Variants in PRX observed in about 807,000 individuals in gnomAD.
PRX encodes the protein periaxin.
A neutral mutation model predicts 29.6 loss-of-function variants in PRX; 24 were observed. That is an observed-to-expected ratio of 0.81 (90% CI 0.59 to 1.14). The LOEUF is 1.14. Among genes scored for constraint, PRX ranks in the 50% most tolerant of loss-of-function variants. The probability of loss-of-function intolerance (pLI) is 0.00; values close to 1 mark genes in which losing one functional copy is unlikely to be tolerated. For missense variants in PRX, 1,838 were observed against 1,926.4 expected, an observed-to-expected ratio of 0.95 and a Z score of 0.86; for synonymous variants, 772 against 831.7, an observed-to-expected ratio of 0.93 and a Z score of 1.24.
rs759245840 is a variant in PRX, at chr19:40,394,485, G to C, written c.3867C>G (p.Ala1289=). Residue 1289 remains alanine (A), a synonymous_variant, in exon 7 of 7, where the codon GCC becomes GCG. Transcript: ENST00000324001. This position sits in a 1 kb window ranked among gnomAD's most constrained non-coding sequence, Gnocchi z 5.8. ...VELSPSGGNH[A]EYQVAEGEGE... The stretch of plus-strand genomic sequence containing the variant: ...CCTCCCCCTCTGCCACCTGGTACTC[G>C]GCATGGTTGCCCCCGGATGGCGAGA... The C allele has an allele frequency of 2.4e-5, 38 of 1,600,772 alleles. No individual in the cohort carries two copies. Among genetic ancestry groups the C allele is most frequent in the Non-Finnish European group, 3.0e-5 (35 of 1,174,430 alleles).
Position 40,395,022 on chromosome 19 carries a change from C to T in PRX, c.3330G>A (p.Gly1110=). 2 of 1,610,482 alleles carry T rather than the reference C, an allele frequency of 1.2e-6. No homozygotes were observed. Among genetic ancestry groups the T allele is most frequent in the South Asian group, 2.2e-5 (2 of 91,080 alleles). ...ELVTLGAQEE[G]RAEGAVAVSG... The stretch of plus-strand genomic sequence containing the variant: ...TGACGGCCACAGCCCCCTCTGCCCT[C>T]CCTTCCTCCTGGGCGCCCAGCGTGA... Residue 1110 remains glycine (G), a synonymous_variant, in exon 7 of 7, where the codon GGG becomes GGA. Transcript: ENST00000324001.
intron 1 of PRX, among the ~76,000 whole-genome samples, chr19:40,408,846 T>TATGA (rs2079545429): frequency 1.4e-5 from 2 of 148,120 alleles, no homozygotes; most frequent in African/African-American, 5.1e-5. Context: ...TGTGTGTGTG[T>TATGA]GAGAGAGAGA....
At chr19:40,404,537 G>A (rs2079519772) in intron 4 of PRX, among the ~76,000 whole-genome samples, 1 of 151,616 alleles carries the variant, frequency 6.6e-6, no homozygotes, top group Non-Finnish European at 1.5e-5. Flanking sequence ...AGAGTTTATG[G>A]GAGGTTATTT....
At position 40,394,252 on chromosome 19, in the gene PRX, G is replaced by A; in HGVS notation, c.4100C>T (p.Ala1367Val). The A allele has an allele frequency of 1.2e-6, 2 of 1,608,408 alleles. No individual in the cohort carries two copies. The highest frequency in any genetic ancestry group is 1.7e-6 in the Non-Finnish European group (2 of 1,175,766). Reference protein sequence around the residue: ...EEEEEGSGEGASGRRGRVRVR... With the variant: ...EEEEEGSGEGVSGRRGRVRVR... ...CCGGACCCGGCCCCGGCGACCCGAG[G>A]CCCCTTCCCCACTGCCCTCTTCCTC... Residue 1367 changes from alanine to valine, a missense_variant, in exon 7 of 7, where the codon GCC (alanine) becomes GTC (valine). Transcript: ENST00000324001. This position sits in a 1 kb window ranked among gnomAD's most constrained non-coding sequence, Gnocchi z 5.8.
At position 40,398,359 on chromosome 19, in the gene PRX, G is replaced by A. The variant is rs2145733639; in HGVS notation, c.381+261C>T. 1.4e-6 allele frequency: 2 copies of A among 1,432,168 alleles called. No homozygotes were observed. The highest frequency in any genetic ancestry group is 1.8e-6 in the Non-Finnish European group (2 of 1,098,056). The allele number at this position is 1,432,168 out of a possible 1,614,324, so 88.7% of individuals were successfully genotyped here. A position where few individuals can be genotyped will look rare whatever the true frequency, so the allele number is the denominator to read the frequency against. ...TGGCTTTCCTGGTTCGAAGTAGCCTGGTTCAGGACCCCTAGCAAGCCTGGA... is the reference window on the plus strand; with the variant it reads ...TGGCTTTCCTGGTTCGAAGTAGCCTAGTTCAGGACCCCTAGCAAGCCTGGA... On this transcript the variant is annotated intron_variant, in intron 6 of 6. Coordinates refer to ENST00000324001, the MANE Select transcript of PRX (RefSeq NM_181882.3). This position sits in a 1 kb window ranked among gnomAD's most constrained non-coding sequence, Gnocchi z 6.3.
intron 4 of PRX, 142 bp from the exon 5 acceptor site, chr19:40,404,004 C>A (rs921740671): frequency 1.3e-5 from 13 of 991,876 alleles, no homozygotes; most frequent in Non-Finnish European, 1.7e-5. Context: ...TCTCGCCACA[C>A]TGCCCAGGCT....
chr19:40,403,944 C>A, intron 4 of PRX, 82 bp from the exon 5 acceptor site: 2 of 1,422,860 alleles, frequency 1.4e-6, no homozygotes, highest in Non-Finnish European at 9.6e-7. Context: ...AACAGTGGCT[C>A]ATATACATAT....
intron 5 of PRX, among the ~76,000 whole-genome samples, chr19:40,399,456 C>A (rs1339625950): frequency 6.6e-6 from 1 of 152,214 alleles, no homozygotes. Flanking sequence ...GTTACCAGTT[C>A]TCCAGTCACA....
rs766413152 is a variant in PRX at position 40,397,916 on chromosome 19, C to T, written c.436G>A (p.Gly146Arg). Residue 146 changes from glycine (G) to arginine (R), a missense_variant, in exon 7 of 7, where the codon GGG (glycine) becomes AGG (arginine). Transcript: ENST00000324001. ...ACAGGGGCCAGGTCAGCGGGGACCC[C>T]CAGAGCCCCAGGCACCATCTTCTTC... is the stretch of plus-strand genomic sequence containing the variant. ...KKKKMVPGAL[G>R]VPADLAPVDV... 3 of 1,612,852 alleles carry T rather than the reference C, an allele frequency of 1.9e-6. No individual in the cohort carries two copies. The East Asian group carries it at 6.7e-5, about 36-fold the overall frequency.
At position 40,395,668 on chromosome 19, in the gene PRX, C is replaced by T. The variant is rs1413053511; in HGVS notation, c.2684G>A (p.Gly895Asp). 6.2e-7 allele frequency: 1 copy of T among 1,614,052 alleles called. No homozygotes were observed. The highest frequency in any genetic ancestry group is 1.3e-5 in the African/African-American group (1 of 74,936). The change falls in exon 7 of 7, where the codon GGC (glycine) becomes GAC (aspartate). Residue 895 changes from glycine to aspartate, a missense_variant. Gly to Asp is a moderately conservative substitution (Grantham distance 94). Around this residue, in one of 3 missense-constraint regions of PRX, gnomAD observed 1,143 missense variants for 1,193.0 expected, o/e 0.96. Transcript: ENST00000324001. ...PEVAAGVREVGFRVPSVEIVT... is the reference protein window; with the variant it reads ...PEVAAGVREVDFRVPSVEIVT... ...AATTTCAACAGAGGGCACTCGGAAGCCCACTTCCCTGACCCCTGCTGCCAC... is the reference window on the plus strand; with the variant it reads ...AATTTCAACAGAGGGCACTCGGAAGTCCACTTCCCTGACCCCTGCTGCCAC...
chr19:40,403,716 G>C lies in PRX; in HGVS notation c.174C>G (p.Ser58Arg). The C allele has an allele frequency of 6.4e-7, 1 of 1,559,206 alleles. No individual in the cohort carries two copies. Among genetic ancestry groups the C allele is most frequent in the South Asian group, 1.2e-5 (1 of 84,928 alleles). The change falls in exon 5 of 7, where the codon AGC becomes AGG. Residue 58 changes from serine (S) to arginine (R), a missense_variant. Coordinates refer to ENST00000324001, the MANE Select transcript of PRX (RefSeq NM_181882.3). Reference sequence around the variant, plus strand: ...CCCGGGCCCGCCCACCTTCCTGCAGGCTGAGGCTCCTGGCGGCGGGTGAGT... The same window carrying C: ...CCCGGGCCCGCCCACCTTCCTGCAGCCTGAGGCTCCTGGCGGCGGGTGAGT... ...REDSPAARSLSLQEGDQLLSA... is the reference protein window; with the variant it reads ...REDSPAARSLRLQEGDQLLSA...
chr19:40,394,707 G>T lies in PRX; in HGVS notation c.3645C>A (p.Thr1215=). 6.2e-7 allele frequency: 1 copy of T among 1,611,732 alleles called. No individual in the cohort carries two copies. Among genetic ancestry groups the T allele is most frequent in the South Asian group, 1.1e-5 (1 of 91,080 alleles). Residue 1215 remains threonine (T), a synonymous_variant, in exon 7 of 7, where the codon ACC becomes ACA. Coordinates refer to ENST00000324001, the MANE Select transcript of PRX (RefSeq NM_181882.3). This position sits in a 1 kb window ranked among gnomAD's most constrained non-coding sequence, Gnocchi z 5.8. ...CCAGCTCAAGCTGGGGCACTGTCACGGTGGGCATCTTAAAGACACCCTCAC... is the reference window on the plus strand; with the variant it reads ...CCAGCTCAAGCTGGGGCACTGTCACTGTGGGCATCTTAAAGACACCCTCAC... ...LVGEGVFKMP[T]VTVPQLELDV...
At position 40,407,910 on chromosome 19, in the gene PRX, G is replaced by A; in HGVS notation, c.23C>T (p.Ala8Val). The A allele has an allele frequency of 6.2e-7, 1 of 1,613,556 alleles. No individual in the cohort carries two copies. The highest frequency in any genetic ancestry group is 8.5e-7 in the Non-Finnish European group (1 of 1,180,026). MEARSRSAEELRRAELVE... is the reference protein window; with the variant it reads MEARSRSVEELRRAELVE... ...GCAGGACACGTGGGCACTCACCTCG[G>A]CACTCCGGCTCCTGGCCTCCATGGC... Residue 8 changes from alanine to valine, a missense_variant, in exon 4 of 7, where the codon GCC (alanine) becomes GTC (valine). Coordinates refer to ENST00000324001, the MANE Select transcript of PRX (RefSeq NM_181882.3).
intron 4 of PRX, among the ~76,000 whole-genome samples, chr19:40,406,247 CAAA>C (rs112824640): frequency 5.6e-5 from 5 of 88,786 alleles, no homozygotes; most frequent in African/African-American, 4.0e-5. Flanking sequence ...GAATCCGTCT[CAAA>C]AAAAAAAAAA....
Position 40,394,936 on chromosome 19 carries a change from T to C in PRX, c.3416A>G (p.His1139Arg), listed in dbSNP as rs1268527552. The C allele has an allele frequency of 2.5e-6, 4 of 1,609,122 alleles. No homozygotes were observed. The highest frequency in any genetic ancestry group is 3.4e-6 in the Non-Finnish European group (4 of 1,179,496). ...STAGQVVTEG[H>R]DAGLRMPPLG... ...CGGAGGCATCCTCAGCCCCGCGTCA[T>C]GGCCCTCAGTGACCACCTGCCCGGC... The change falls in exon 7 of 7, where the codon CAT becomes CGT. Residue 1139 changes from histidine (H) to arginine (R), a missense_variant. Transcript: ENST00000324001. The surrounding 1 kb of genome is among the most constrained non-coding windows in gnomAD (Gnocchi z 5.8).
chr19:40,404,424 T>TGGG (rs71171571), intron 4 of PRX, among the ~76,000 whole-genome samples: 265 of 65,424 alleles, frequency 4.1e-3, no homozygotes, highest in African/African-American at 0.011. Context: ...AGGGCGGGGC[T>TGGG]GGGGGGGGTT....
chr19:40,394,536 G>T lies in PRX; in HGVS notation c.3816C>A (p.Phe1272Leu). The change falls in exon 7 of 7, where the codon TTC becomes TTA. Residue 1272 changes from phenylalanine (F) to leucine (L), a missense_variant. Transcript: ENST00000324001. This position sits in a 1 kb window ranked among gnomAD's most constrained non-coding sequence, Gnocchi z 5.8. Reference protein sequence around the residue: ...EEQPPGAERTFCLSLPDVELS... With the variant: ...EEQPPGAERTLCLSLPDVELS... ...GCTCCACGTCGGGCAGTGAGAGGCA[G>T]AAGGTACGCTCGGCCCCTGGGGGCT... 1 of 1,603,702 alleles carries T rather than the reference G, an allele frequency of 6.2e-7. No homozygotes were observed.
rs997669847 is a variant in PRX at position 40,404,353 on chromosome 19, A to C, written c.28-491T>G. On this transcript the variant is annotated intron_variant, in intron 4 of 6. Transcript: ENST00000324001. Reference sequence around the variant, plus strand: ...GAGGGACTGCGTCGGAGTGGGCTGGAGATAACTTGAGTTGTGATTGAGAGG... The same window carrying C: ...GAGGGACTGCGTCGGAGTGGGCTGGCGATAACTTGAGTTGTGATTGAGAGG... 5.2e-4 allele frequency among the ~76,000 whole-genome samples: 71 copies of C among 137,722 alleles called. 1 individual carries two copies. The highest frequency in any genetic ancestry group is 1.9e-3 in the African/African-American group (69 of 37,092). 90.4% of individuals were successfully genotyped at this position (137,722 alleles called of 152,430 possible).
intron 5 of PRX, among the ~76,000 whole-genome samples, chr19:40,402,338 A>T (rs1224638373): frequency 1.3e-5 from 2 of 151,850 alleles, no homozygotes; most frequent in Non-Finnish European, 1.5e-5. Context: ...TGGGAGACAG[A>T]GCAAGACTCC....
Sources: gnomAD v4.1 joint callset for allele counts (sites outside exome capture counted in the v4.1 genomes callset) on GRCh38, gnomAD v4.1.1 for gene constraint, gnomAD v4.1.1 regional missense constraint, Gnocchi (gnomAD v3.1) non-coding constraint, MANE v1.5 for transcripts, NCBI Gene and HGNC (gene_info 2026-07-23, HGNC 2026-07-21) for gene names.